The following PCDHB8 variants were observed in gnomAD, a reference collection of about 807,000 sequenced individuals.
PCDHB8 encodes the protein protocadherin beta 8, also known as protocadherin beta-8.
For missense variants in PCDHB8, 836 were observed against 1,004.0 expected (o/e 0.83, Z 2.26); for synonymous variants, 385 against 448.5 (o/e 0.86, Z 1.79).
At position 141,178,519 on chromosome 5, in the gene PCDHB8, A is replaced by C. The variant is rs1753438412; in HGVS notation, c.485A>C (p.Asp162Ala). 1 of 1,614,216 alleles carries C rather than the reference A, an allele frequency of 6.2e-7. No individual in the cohort carries two copies. Among genetic ancestry groups the C allele is most frequent in the Non-Finnish European group, 8.5e-7 (1 of 1,180,048 alleles). The change falls in exon 1 of 1, where the codon GAT becomes GCT. Residue 162 changes from aspartate (D) to alanine (A), a missense_variant. Asp to Ala is a moderately radical substitution (Grantham distance 126). Coordinates refer to ENST00000239444, the MANE Select transcript of PCDHB8 (RefSeq NM_019120.5). ...CCTCTGAAGAATGCTGAAGACTTAG[A>C]TATAGGCCAAAACAATATTGAGAAC... ...AFPLKNAEDLDIGQNNIENYI... is the reference protein window; with the variant it reads ...AFPLKNAEDLAIGQNNIENYI...
rs2697541 is a variant in PCDHB8, at chr5:141,180,015, G to C, written c.1981G>C (p.Val661Leu). ...PPCSATATLHVLLVDGFSQPY... is the reference protein window; with the variant it reads ...PPCSATATLHLLLVDGFSQPY... ...GTGCTCGGCCACCGCCACGCTGCAC[G>C]TGCTCCTGGTGGACGGCTTCTCCCA... Residue 661 changes from valine (V) to leucine (L), a missense_variant, in exon 1 of 1, where the codon GTG (valine) becomes CTG (leucine). Transcript: ENST00000239444. 7.5e-6 allele frequency: 12 copies of C among 1,608,936 alleles called. No homozygotes were observed. Among genetic ancestry groups the C allele is most frequent in the Non-Finnish European group, 2.5e-6 (3 of 1,179,744 alleles).
In PCDHB8 at chr5:141,180,201, G is replaced by C. The variant is rs781989025; in HGVS notation, c.2167G>C (p.Val723Leu). Residue 723 changes from valine (V) to leucine (L), a missense_variant, in exon 1 of 1, where the codon GTG becomes CTG. Coordinates refer to ENST00000239444, the MANE Select transcript of PCDHB8 (RefSeq NM_019120.5). Reference sequence around the variant, plus strand: ...GTGTAGGAGGAGCAGGGCGGCCTCGGTGGGTCGCTGCTCAGTGCCTGAGGG... The same window carrying C: ...GTGTAGGAGGAGCAGGGCGGCCTCGCTGGGTCGCTGCTCAGTGCCTGAGGG... The part of the protein sequence containing the change: ...LLCRRSRAAS[V>L]GRCSVPEGPF... 10 of 1,612,674 alleles carry C rather than the reference G, an allele frequency of 6.2e-6. No homozygotes were observed. The highest frequency in any genetic ancestry group is 8.5e-6 in the Non-Finnish European group (10 of 1,179,832).
chr5:141,180,324 G>A lies in PCDHB8; in HGVS notation c.2290G>A (p.Glu764Lys). The A allele has an allele frequency of 1.2e-6, 2 of 1,614,044 alleles. No individual in the cohort carries two copies. The highest frequency in any genetic ancestry group is 2.2e-5 in the South Asian group (2 of 91,082). Residue 764 changes from glutamate to lysine, a missense_variant, in exon 1 of 1, where the codon GAG becomes AAG. Glu to Lys is a moderately conservative substitution (Grantham distance 56). Coordinates refer to ENST00000239444, the MANE Select transcript of PCDHB8 (RefSeq NM_019120.5). ...VCLAGGSGTNEFQLLKPVLPN... is the reference protein window; with the variant it reads ...VCLAGGSGTNKFQLLKPVLPN... ...CCTGGCAGGAGGCTCAGGGACGAAT[G>A]AGTTCCAGCTCCTGAAACCAGTATT...
Position 141,178,487 on chromosome 5 carries a change from T to G in PCDHB8, c.453T>G (p.Thr151=). 3.7e-6 allele frequency: 6 copies of G among 1,614,218 alleles called. No individual in the cohort carries two copies. Among genetic ancestry groups the G allele is most frequent in the Non-Finnish European group, 5.1e-6 (6 of 1,180,042 alleles). ...TATCAGAGAGCAGTCCTCCTGGGACTGCGTTTCCTCTGAAGAATGCTGAAG... is the reference window on the plus strand; with the variant it reads ...TATCAGAGAGCAGTCCTCCTGGGACGGCGTTTCCTCTGAAGAATGCTGAAG... The part of the protein sequence containing the change: ...VKVSESSPPG[T]AFPLKNAEDL... The change falls in exon 1 of 1, where the codon ACT becomes ACG. Residue 151 remains threonine (T), a synonymous_variant. Coordinates refer to ENST00000239444, the MANE Select transcript of PCDHB8 (RefSeq NM_019120.5).
Position 141,179,021 on chromosome 5 carries a change from T to C in PCDHB8, c.987T>C (p.Ser329=), listed in dbSNP as rs782388391. 5 of 1,614,236 alleles carry C rather than the reference T, an allele frequency of 3.1e-6. No homozygotes were observed. Among genetic ancestry groups the C allele is most frequent in the Non-Finnish European group, 8.5e-7 (1 of 1,180,042 alleles). Residue 329 remains serine, a synonymous_variant, in exon 1 of 1, where the codon TCT becomes TCC. Transcript: ENST00000239444. ...AGGCGAGAGATGCTGGAGGCTTTTC[T>C]GGAAAATGCACCGTTCTGATTCAAG... The part of the protein sequence containing the change: ...NIEARDAGGF[S]GKCTVLIQVI...
rs1203545213 is a variant in PCDHB8, at chr5:141,177,835, C to T, written c.-200C>T. On this transcript the variant is annotated 5_prime_UTR_variant, in exon 1 of 1. Coordinates refer to ENST00000239444, the MANE Select transcript of PCDHB8 (RefSeq NM_019120.5). Reference sequence around the variant, plus strand: ...GCACAAACCAGAACCGCAGCTGCAGCTCCATTAACCGGCAAAAAGCAGCAG... The same window carrying T: ...GCACAAACCAGAACCGCAGCTGCAGTTCCATTAACCGGCAAAAAGCAGCAG... The T allele has an allele frequency of 3.2e-6, 2 of 623,398 alleles. No homozygotes were observed. The highest frequency in any genetic ancestry group is 2.0e-5 in the South Asian group (1 of 48,952). The allele number at this position is 623,398 out of a possible 1,614,324, so 38.6% of individuals were successfully genotyped here.
chr5:141,180,199 C>A lies in PCDHB8; in HGVS notation c.2165C>A (p.Ser722Ter), dbSNP rs782425180. 1 of 1,612,700 alleles carries A rather than the reference C, an allele frequency of 6.2e-7. No individual in the cohort carries two copies. The highest frequency in any genetic ancestry group is 8.5e-7 in the Non-Finnish European group (1 of 1,179,946). The change falls in exon 1 of 1, where the codon TCG (serine) becomes TAG (stop). Residue 722 changes from serine to a stop codon, truncating the protein, a stop_gained. Coordinates refer to ENST00000239444, the MANE Select transcript of PCDHB8 (RefSeq NM_019120.5). LOFTEE classifies it low-confidence loss of function (END_TRUNC). ...VLLCRRSRAA[S>*]VGRCSVPEGP... is the part of the protein sequence containing the mutation. ...CTGTGTAGGAGGAGCAGGGCGGCCT[C>A]GGTGGGTCGCTGCTCAGTGCCTGAG... is the stretch of plus-strand genomic sequence containing the variant.
rs782748024 is a variant in PCDHB8 at position 141,180,030 on chromosome 5, G to A, written c.1996G>A (p.Gly666Ser). The change falls in exon 1 of 1, where the codon GGC becomes AGC. Residue 666 changes from glycine (G) to serine (S), a missense_variant. Gly to Ser is a moderately conservative substitution (Grantham distance 56). Coordinates refer to ENST00000239444, the MANE Select transcript of PCDHB8 (RefSeq NM_019120.5). ...TATLHVLLVD[G>S]FSQPYLPLPE... Reference sequence around the variant, plus strand: ...CACGCTGCACGTGCTCCTGGTGGACGGCTTCTCCCAGCCCTACCTGCCGCT... The same window carrying A: ...CACGCTGCACGTGCTCCTGGTGGACAGCTTCTCCCAGCCCTACCTGCCGCT... The A allele has an allele frequency of 6.2e-7, 1 of 1,609,360 alleles. No homozygotes were observed. The highest frequency in any genetic ancestry group is 8.5e-7 in the Non-Finnish European group (1 of 1,179,790).
Position 141,180,056 on chromosome 5 carries a change from T to G in PCDHB8, c.2022T>G (p.Leu674=), listed in dbSNP as rs782391266. 8.7e-6 allele frequency: 14 copies of G among 1,609,650 alleles called. No individual in the cohort carries two copies. In the Admixed American group the frequency reaches 1.5e-4, roughly 17 times the overall value. Residue 674 remains leucine (L), a synonymous_variant, in exon 1 of 1, where the codon CTT becomes CTG. Transcript: ENST00000239444. ...VDGFSQPYLP[L]PEAAPAQGQA... ...GCTTCTCCCAGCCCTACCTGCCGCT[T>G]CCGGAGGCTGCCCCAGCCCAGGGCC...
rs782285661 is a variant in PCDHB8, at chr5:141,179,990, G to T, written c.1956G>T (p.Pro652=). 1.7e-5 allele frequency: 28 copies of T among 1,608,712 alleles called. No homozygotes were observed. Among genetic ancestry groups the T allele is most frequent in the Non-Finnish European group, 2.1e-5 (25 of 1,179,724 alleles). Residue 652 remains proline, a synonymous_variant, in exon 1 of 1, where the codon CCG becomes CCT. Transcript: ENST00000239444. ...VVLVKDNGEP[P]CSATATLHVL... ...TGGTCAAGGACAATGGCGAGCCTCC[G>T]TGCTCGGCCACCGCCACGCTGCACG...
rs1753536156 is a variant in PCDHB8 at position 141,180,439 on chromosome 5, A to T, written c.2405A>T (p.Ter802LeuextTer8). 6.5e-7 allele frequency: 1 copy of T among 1,549,986 alleles called. No homozygotes were observed. The highest frequency in any genetic ancestry group is 1.2e-5 in the South Asian group (1 of 83,136). Residue 802 changes from the stop codon to leucine, a stop_lost, in exon 1 of 1, where the codon TAA becomes TTA. Coordinates refer to ENST00000239444, the MANE Select transcript of PCDHB8 (RefSeq NM_019120.5). ...NGFGFSLQLK[*>L] Reference sequence around the variant, plus strand: ...TTTGGTTTCAGCCTTCAGTTAAAGTAATTGATTTCATATTATATATTTTAA... The same window carrying T: ...TTTGGTTTCAGCCTTCAGTTAAAGTTATTGATTTCATATTATATATTTTAA...
chr5:141,178,364 G>T lies in PCDHB8; in HGVS notation c.330G>T (p.Leu110Phe). 6.4e-7 allele frequency: 1 copy of T among 1,569,988 alleles called. No homozygotes were observed. The highest frequency in any genetic ancestry group is 1.1e-5 in the South Asian group (1 of 89,416). Residue 110 changes from leucine to phenylalanine, a missense_variant, in exon 1 of 1, where the codon TTG becomes TTT. Physicochemically the swap from Leu to Phe is conservative, Grantham distance 22 (BLOSUM62 0). Coordinates refer to ENST00000239444, the MANE Select transcript of PCDHB8 (RefSeq NM_019120.5). ...TEPCVLRFQV[L>F]LESPFEFFQA... is the part of the protein sequence containing the mutation. ...CCTGTGTGCTACGTTTCCAAGTGTT[G>T]CTAGAGAGTCCCTTCGAGTTTTTTC...
At position 141,180,387 on chromosome 5, in the gene PCDHB8, G is replaced by A; in HGVS notation, c.2353G>A (p.Glu785Lys). The A allele has an allele frequency of 1.9e-6, 3 of 1,609,000 alleles. No homozygotes were observed. Among genetic ancestry groups the A allele is most frequent in the Non-Finnish European group, 2.6e-6 (3 of 1,175,746 alleles). The change falls in exon 1 of 1, where the codon GAA (glutamate) becomes AAA (lysine). Residue 785 changes from glutamate (E) to lysine (K), a missense_variant. Physicochemically the swap from Glu to Lys is moderately conservative, Grantham distance 56. Transcript: ENST00000239444. The stretch of plus-strand genomic sequence containing the variant: ...GGGCCATTCTTTTGGGCCAGAAATG[G>A]AACAAAACTCTAACTTTAGGAATGG... ...IQGHSFGPEM[E>K]QNSNFRNGFG...
In PCDHB8 at chr5:141,180,348, T is replaced by A. The variant is rs782159677; in HGVS notation, c.2314T>A (p.Leu772Ile). 4 of 1,614,104 alleles carry A rather than the reference T, an allele frequency of 2.5e-6. No homozygotes were observed. The Admixed American group carries it at 6.7e-5, about 27-fold the overall frequency. The change falls in exon 1 of 1, where the codon TTA becomes ATA. Residue 772 changes from leucine (L) to isoleucine (I), a missense_variant. Transcript: ENST00000239444. ...TNEFQLLKPV[L>I]PNIQGHSFGP... ...TGAGTTCCAGCTCCTGAAACCAGTATTACCTAATATTCAGGGCCATTCTTT... is the reference window on the plus strand; with the variant it reads ...TGAGTTCCAGCTCCTGAAACCAGTAATACCTAATATTCAGGGCCATTCTTT...
In PCDHB8 at chr5:141,179,654, G is replaced by C. The variant is rs782750667; in HGVS notation, c.1620G>C (p.Pro540=). The C allele has an allele frequency of 2.5e-5, 40 of 1,612,528 alleles. No homozygotes were observed. Among genetic ancestry groups the C allele is most frequent in the Middle Eastern group, 2.0e-4 (1 of 5,074 alleles). The change falls in exon 1 of 1, where the codon CCG becomes CCC. Residue 540 remains proline (P), a synonymous_variant. Transcript: ENST00000239444. ...FRVGASDRGS[P]ALSSEALVRV... is the part of the protein sequence containing the mutation. ...TGGGCGCTTCAGACCGCGGCTCCCC[G>C]GCTTTGAGCAGCGAGGCGCTGGTGC...
Position 141,179,940 on chromosome 5 carries a change from G to A in PCDHB8, c.1906G>A (p.Ala636Thr), listed in dbSNP as rs1753507312. 2.5e-6 allele frequency: 4 copies of A among 1,608,868 alleles called. No homozygotes were observed. Among genetic ancestry groups the A allele is most frequent in the Non-Finnish European group, 3.4e-6 (4 of 1,179,570 alleles). Residue 636 changes from alanine to threonine, a missense_variant, in exon 1 of 1, where the codon GCG (alanine) becomes ACG (threonine). By Grantham distance (58) the Ala-to-Thr change is moderately conservative. Transcript: ENST00000239444. ...CGCCAGGCTGCTGAGCGAGCGCGAC[G>A]CGGCCAAGCAGAGGCTGGTGGTGCT... ...RTARLLSERD[A>T]AKQRLVVLVK...
Position 141,180,205 on chromosome 5 carries a change from G to A in PCDHB8, c.2171G>A (p.Gly724Asp). Residue 724 changes from glycine to aspartate, a missense_variant, in exon 1 of 1, where the codon GGT (glycine) becomes GAT (aspartate). Coordinates refer to ENST00000239444, the MANE Select transcript of PCDHB8 (RefSeq NM_019120.5). The stretch of plus-strand genomic sequence containing the variant: ...AGGAGGAGCAGGGCGGCCTCGGTGG[G>A]TCGCTGCTCAGTGCCTGAGGGCCCC... Reference protein sequence around the residue: ...LCRRSRAASVGRCSVPEGPFP... With the variant: ...LCRRSRAASVDRCSVPEGPFP... 6.2e-7 allele frequency: 1 copy of A among 1,612,358 alleles called. No homozygotes were observed. Among genetic ancestry groups the A allele is most frequent in the South Asian group, 1.1e-5 (1 of 90,978 alleles).
In PCDHB8 at chr5:141,180,131, T is replaced by G. The variant is rs782490850; in HGVS notation, c.2097T>G (p.Ser699=). ...VYLVVALASV[S]SLFLFSVLLF... is the part of the protein sequence containing the mutation. ...TGGTGGTGGCGTTGGCCTCGGTGTC[T>G]TCGCTCTTCCTCTTCTCGGTGCTCC... is the stretch of plus-strand genomic sequence containing the variant. Residue 699 remains serine, a synonymous_variant, in exon 1 of 1, where the codon TCT becomes TCG. Coordinates refer to ENST00000239444, the MANE Select transcript of PCDHB8 (RefSeq NM_019120.5). 116 of 1,610,920 alleles carry G rather than the reference T, an allele frequency of 7.2e-5. No individual in the cohort carries two copies. Among genetic ancestry groups the G allele is most frequent in the Middle Eastern group, 2.1e-4 (1 of 4,822 alleles).
chr5:141,179,250 A>G lies in PCDHB8; in HGVS notation c.1216A>G (p.Thr406Ala), dbSNP rs1554281138. Residue 406 changes from threonine (T) to alanine (A), a missense_variant, in exon 1 of 1, where the codon ACA becomes GCA. Thr to Ala is a moderately conservative substitution (Grantham distance 58). Transcript: ENST00000239444. Reference protein sequence around the residue: ...SSVGNFYTLLTETPLDRESRA... With the variant: ...SSVGNFYTLLAETPLDRESRA... ...TGTGGGGAACTTTTACACCCTACTA[A>G]CAGAGACACCACTAGACAGAGAAAG... 3 of 1,614,146 alleles carry G rather than the reference A, an allele frequency of 1.9e-6. No individual in the cohort carries two copies. The highest frequency in any genetic ancestry group is 8.5e-7 in the Non-Finnish European group (1 of 1,180,036).
Sources: allele counts gnomAD v4.1 joint callset, GRCh38; gene constraint gnomAD v4.1.1; transcripts MANE v1.5; gene names NCBI Gene and HGNC (gene_info 2026-07-23, HGNC 2026-07-21).